The following DGKB variants were observed in gnomAD, a reference collection of about 807,000 sequenced individuals.
DGKB encodes the protein 90 kDa diacylglycerol kinase.
Under a neutral mutation model 114.3 loss-of-function variants are expected in DGKB, and 67 were observed. The observed-to-expected ratio is 0.59, with a 90% confidence interval of 0.48 to 0.72. DGKB has a LOEUF of 0.72. DGKB is among the 30% of genes least tolerant of loss of function. The pLI is 0.00. For missense variants in DGKB, 907 were observed against 975.2 expected (o/e 0.93, Z 0.93); for synonymous variants, 398 against 323.1 (o/e 1.23, Z -2.49).
intron 21 of DGKB, among the ~76,000 whole-genome samples, chr7:14,356,389 T>C (rs1220733421): frequency 3.8e-5 from 5 of 132,188 alleles, no homozygotes; most frequent in African/African-American, 1.2e-4. Flanking sequence ...TGAGACGGAG[T>C]CTCGCTCTAT....
chr7:14,731,166 T>G (rs1042029451), intron 5 of DGKB, among the ~76,000 whole-genome samples: 2 of 152,176 alleles, frequency 1.3e-5, no homozygotes, highest in East Asian at 1.9e-4. Flanking sequence ...GATTCTTGGA[T>G]GCTATTCACC....
At chr7:14,297,337 T>A (rs961582412) in intron 23 of DGKB, among the ~76,000 whole-genome samples, 10 of 152,006 alleles carry the variant, frequency 6.6e-5, no homozygotes, top group African/African-American at 2.4e-4. Flanking sequence ...CCAGCAGCAC[T>A]TCAAAAAGCG....
chr7:14,801,316 G>A (rs560073217), intron 2 of DGKB, among the ~76,000 whole-genome samples: 1 of 152,112 alleles, frequency 6.6e-6, no homozygotes, highest in African/African-American at 2.4e-5. Flanking sequence ...TTTGTTTGGA[G>A]ATTAAGAATG....
intron 20 of DGKB, among the ~76,000 whole-genome samples, chr7:14,511,997 T>C (rs1440877657): frequency 1.3e-5 from 2 of 152,102 alleles, no homozygotes; most frequent in South Asian, 2.1e-4. Flanking sequence ...AGATTACTTA[T>C]CACAAATCAC....
At chr7:14,358,822 A>G (rs532683138) in intron 21 of DGKB, among the ~76,000 whole-genome samples, 1 of 152,218 alleles carries the variant, frequency 6.6e-6, no homozygotes, top group South Asian at 2.1e-4. Flanking sequence ...CAAATGGAAG[A>G]ACATTCCATG....
At chr7:14,775,144 A>G (rs1221678886) in intron 2 of DGKB, among the ~76,000 whole-genome samples, 1 of 151,962 alleles carries the variant, frequency 6.6e-6, no homozygotes, top group Non-Finnish European at 1.5e-5. Context: ...AATTACGAAA[A>G]TGGAATTAGG....
At chr7:14,710,293 T>G (rs1308759135) in intron 6 of DGKB, among the ~76,000 whole-genome samples, 1 of 152,176 alleles carries the variant, frequency 6.6e-6, no homozygotes, top group Non-Finnish European at 1.5e-5. Flanking sequence ...GTAAAATTTC[T>G]TAAATTTTAT....
At chr7:14,894,391 A>T (rs758455817) in intron 1 of DGKB, among the ~76,000 whole-genome samples, 1 of 151,440 alleles carries the variant, frequency 6.6e-6, no homozygotes, top group Non-Finnish European at 1.5e-5. Context: ...AGGATGCTCC[A>T]TGGTGATAAG....
At chr7:14,638,176 T>C (rs960804854) in intron 13 of DGKB, among the ~76,000 whole-genome samples, 3 of 152,132 alleles carry the variant, frequency 2.0e-5, no homozygotes, top group African/African-American at 4.8e-5. Context: ...TGAGGCATTT[T>C]ACAGTACCAT....
intron 19 of DGKB, among the ~76,000 whole-genome samples, chr7:14,576,053 T>C (rs912654167): frequency 6.6e-6 from 1 of 152,146 alleles, no homozygotes; most frequent in Non-Finnish European, 1.5e-5. Flanking sequence ...CGCTACTTAA[T>C]ACATACAGTA....
intron 2 of DGKB, among the ~76,000 whole-genome samples, chr7:14,833,397 T>C (rs549010028): frequency 3.3e-5 from 2 of 60,888 alleles, no homozygotes; most frequent in East Asian, 3.9e-4. Flanking sequence ...TGAAGATTTA[T>C]GTTTGTTTTT....
At position 14,726,243 on chromosome 7, in the gene DGKB, G is replaced by A. The variant is rs112604302; in HGVS notation, c.323-7558C>T. Reference sequence around the variant, plus strand: ...CAACCTCTGCCTCCCAGGTTCAAGCGATTCTCCTGCCTCAGCCTCCCAGGT... The same window carrying A: ...CAACCTCTGCCTCCCAGGTTCAAGCAATTCTCCTGCCTCAGCCTCCCAGGT... On this transcript the variant is annotated intron_variant, in intron 5 of 25. Coordinates refer to ENST00000402815, the MANE Select transcript of DGKB (RefSeq NM_001350709.2). Among the ~76,000 whole-genome samples, 1,102 of 152,080 alleles carry A rather than the reference G, an allele frequency of 7.2e-3. 13 individuals are homozygous for A. Among genetic ancestry groups the A allele is most frequent in the African/African-American group, 0.026 (1,066 of 41,464 alleles).
chr7:14,579,867 A>G (rs1315454058), intron 19 of DGKB, among the ~76,000 whole-genome samples: 1 of 152,010 alleles, frequency 6.6e-6, no homozygotes, highest in African/African-American at 2.4e-5. Context: ...AGGCCACTGT[A>G]TTTTTAACAA....
At chr7:14,484,156 C>G (rs1379068286) in intron 20 of DGKB, among the ~76,000 whole-genome samples, 1 of 151,542 alleles carries the variant, frequency 6.6e-6, no homozygotes, top group East Asian at 1.9e-4. Flanking sequence ...AGTTTAGAAT[C>G]TATAACTTAG....
At position 14,757,575 on chromosome 7, in the gene DGKB, T is replaced by C; in HGVS notation, c.147+80A>G. 38 of 801,004 alleles carry C rather than the reference T, an allele frequency of 4.7e-5. No individual in the cohort carries two copies. The South Asian group carries it at 5.8e-4, about 12-fold the overall frequency. The allele number at this position is 801,004 out of a possible 1,614,324, so 49.6% of individuals were successfully genotyped here. On this transcript the variant is annotated intron_variant, in intron 3 of 25. Coordinates refer to ENST00000402815, the MANE Select transcript of DGKB (RefSeq NM_001350709.2). The stretch of plus-strand genomic sequence containing the variant: ...ATACATACACACACACACACATACA[T>C]TTTTCCAAGAATTGTTTATTAAGAA...
At chr7:14,637,251 C>T (rs1412568750) in intron 13 of DGKB, among the ~76,000 whole-genome samples, 1 of 151,852 alleles carries the variant, frequency 6.6e-6, no homozygotes, top group Non-Finnish European at 1.5e-5. Flanking sequence ...AAGATATATA[C>T]ATATTTTCAA....
chr7:14,525,154 T>C (rs1443029242), intron 20 of DGKB, among the ~76,000 whole-genome samples: 1 of 152,152 alleles, frequency 6.6e-6, no homozygotes, highest in African/African-American at 2.4e-5. Context: ...TTTTTAATTA[T>C]GATCTCTGGT....
chr7:14,447,199 T>G (rs1290751805), intron 21 of DGKB, among the ~76,000 whole-genome samples: 2 of 151,722 alleles, frequency 1.3e-5, no homozygotes, highest in African/African-American at 4.8e-5. Context: ...CACAGAAGAC[T>G]TCCTTGTTTT....
intron 23 of DGKB, among the ~76,000 whole-genome samples, chr7:14,276,983 G>T (rs995803982): frequency 1.3e-5 from 2 of 151,652 alleles, no homozygotes; most frequent in Non-Finnish European, 2.9e-5. Context: ...TCTTTTTTGT[G>T]GTGAGATGTT....
Sources: gnomAD v4.1 joint callset for allele counts (sites outside exome capture counted in the v4.1 genomes callset) on GRCh38, gnomAD v4.1.1 for gene constraint, MANE v1.5 for transcripts, NCBI Gene and HGNC (gene_info 2026-07-23, HGNC 2026-07-21) for gene names.